SLC38A1: variants seen among roughly 807,000 people sequenced by gnomAD.
SLC38A1 encodes sodium-coupled neutral amino acid symporter 1.
Under a neutral mutation model 60.3 loss-of-function variants are expected in SLC38A1, and 18 were observed. The observed-to-expected ratio is 0.30, with a 90% CI of 0.21 to 0.44. The LOEUF (loss-of-function observed/expected upper bound fraction) is 0.44, where lower values mean the gene tolerates loss of function less well. Ranked by LOEUF, SLC38A1 falls within the 20% of genes least tolerant of loss-of-function variation. The probability of loss-of-function intolerance (pLI) is 1.00; values close to 1 mark genes in which losing one functional copy is unlikely to be tolerated. For missense variants in SLC38A1, 448 were observed against 587.2 expected (o/e 0.76, Z 2.45); for synonymous variants, 196 against 212.1 (o/e 0.92, Z 0.66).
At chr12:46,196,491 A>G (rs751627153) in intron 16 of SLC38A1, among the ~76,000 whole-genome samples, 3 of 152,154 alleles carry the variant, frequency 2.0e-5, no homozygotes, top group Non-Finnish European at 4.4e-5. Flanking sequence ...TAATCTGAAT[A>G]TATTGTCCTG....
Position 46,204,323 on chromosome 12 carries a change from T to A in SLC38A1, c.800A>T (p.Lys267Ile). ...TACCTTTGAATTGAAGGTAACATAT[T>A]TTGGCGTACACGTGTCAGCATTTGT... ...NSTNADTCTP[K>I]YVTFNSKTVY... Residue 267 changes from lysine to isoleucine, a missense_variant, in exon 11 of 17, where the codon AAA becomes ATA. Coordinates refer to ENST00000398637, the MANE Select transcript of SLC38A1 (RefSeq NM_030674.4). The A allele has an allele frequency of 6.2e-7, 1 of 1,610,376 alleles. No homozygotes were observed. The highest frequency in any genetic ancestry group is 8.5e-7 in the Non-Finnish European group (1 of 1,176,746).
Position 46,239,713 on chromosome 12 carries a change from C to T in SLC38A1, c.88G>A (p.Asp30Asn). 1 of 1,613,664 alleles carries T rather than the reference C, an allele frequency of 6.2e-7. No homozygotes were observed. Among genetic ancestry groups the T allele is most frequent in the Non-Finnish European group, 8.5e-7 (1 of 1,179,916 alleles). Reference sequence around the variant, plus strand: ...TGACCATTTTCTACTTCGGTGAAATCATTGGAGTCATTGCTAATGTTATCA... The same window carrying T: ...TGACCATTTTCTACTTCGGTGAAATTATTGGAGTCATTGCTAATGTTATCA... ...EDDNISNDSN[D>N]FTEVENGQIN... The change falls in exon 3 of 17, where the codon GAT (aspartate) becomes AAT (asparagine). Residue 30 changes from aspartate to asparagine, a missense_variant. By Grantham distance (23) the Asp-to-Asn change is conservative (BLOSUM62 1). Around this residue, in one of 2 missense-constraint regions of SLC38A1, gnomAD observed 102 missense variants for 89.7 expected, o/e 1.14. Coordinates refer to ENST00000398637, the MANE Select transcript of SLC38A1 (RefSeq NM_030674.4).
chr12:46,242,306 C>G (rs1040119998), intron 2 of SLC38A1, among the ~76,000 whole-genome samples: 1 of 152,090 alleles, frequency 6.6e-6, no homozygotes, highest in Admixed American at 6.5e-5. Context: ...CACCTATCAC[C>G]AAGGCCACAC....
chr12:46,188,627 T>C lies in SLC38A1; in HGVS notation c.*343A>G, dbSNP rs530016469. 7 of 173,670 alleles carry C rather than the reference T, an allele frequency of 4.0e-5. No individual in the cohort carries two copies. Among genetic ancestry groups the C allele is most frequent in the Non-Finnish European group, 7.3e-5 (6 of 81,692 alleles). 10.8% of individuals were successfully genotyped at this position (173,670 alleles called of 1,614,324 possible). ...TTTCAGAATCTGGATGTATAATAAA[T>C]AAACATTATTGTATATCATGTTTTC... On this transcript the variant is annotated 3_prime_UTR_variant, in exon 17 of 17. Coordinates refer to ENST00000398637, the MANE Select transcript of SLC38A1 (RefSeq NM_030674.4).
chr12:46,189,265 G>GAA (rs147988406), intron 16 of SLC38A1, among the ~76,000 whole-genome samples, 194 bp from the exon 17 acceptor site: 11 of 143,778 alleles, frequency 7.7e-5, no homozygotes, highest in African/African-American at 2.3e-4. Context: ...GGGAAAATAG[G>GAA]AAAAAAAAAA....
chr12:46,256,849 G>C (rs188979474), intron 1 of SLC38A1, among the ~76,000 whole-genome samples: 294 of 152,296 alleles, frequency 1.9e-3, no homozygotes, highest in African/African-American at 6.7e-3. Flanking sequence ...TTACCACTGT[G>C]CTTAACACCC....
rs562837277 is a variant in SLC38A1, at chr12:46,248,649, C to G, written c.-208-5335G>C. Among the ~76,000 whole-genome samples the G allele has an allele frequency of 2.6e-5, 4 of 152,300 alleles. 1 individual carries two copies. In the South Asian group the frequency reaches 8.3e-4, roughly 32 times the overall value. On this transcript the variant is annotated intron_variant, in intron 1 of 16. Transcript: ENST00000398637. ...TTAACAAGGATATCCAAGACTTGAA[C>G]TCATCTTTGCACCAAGTGGACCTAA...
intron 3 of SLC38A1, among the ~76,000 whole-genome samples, chr12:46,235,119 G>T (rs953088569): frequency 2.6e-5 from 4 of 152,194 alleles, no homozygotes; most frequent in Non-Finnish European, 5.9e-5. Context: ...CTTAAAAAAT[G>T]ATGTAAGCTG....
intron 5 of SLC38A1, among the ~76,000 whole-genome samples, chr12:46,220,953 T>C (rs537463041): frequency 4.9e-4 from 74 of 152,334 alleles, no homozygotes; most frequent in African/African-American, 1.6e-3. Context: ...CTGATGGGTC[T>C]ATACTTTTAC....
intron 5 of SLC38A1, among the ~76,000 whole-genome samples, chr12:46,211,499 G>A (rs75884468): frequency 0.046 from 7,035 of 152,336 alleles, 374 homozygotes; most frequent in East Asian, 0.29. Flanking sequence ...AACATTTGCT[G>A]TGTTCCCTCA....
chr12:46,229,744 A>G (rs570521618), intron 3 of SLC38A1, 105 bp from the exon 4 acceptor site: 2 of 1,000,484 alleles, frequency 2.0e-6, no homozygotes, highest in East Asian at 4.8e-5. Context: ...AACAGTTACC[A>G]ATCAGCTCTC....
intron 3 of SLC38A1, among the ~76,000 whole-genome samples, chr12:46,230,610 T>C (rs1416928464): frequency 6.6e-6 from 1 of 152,190 alleles, no homozygotes; most frequent in Non-Finnish European, 1.5e-5. Flanking sequence ...AAAATAGGAC[T>C]TGAGATGGGA....
At chr12:46,266,921 T>C (rs1269855460) in intron 1 of SLC38A1, among the ~76,000 whole-genome samples, 1 of 151,602 alleles carries the variant, frequency 6.6e-6, no homozygotes, top group Non-Finnish European at 1.5e-5. Flanking sequence ...ATCCAGGGGG[T>C]CCACACCAGG....
At chr12:46,257,992 G>C in intron 1 of SLC38A1, among the ~76,000 whole-genome samples, 1 of 152,200 alleles carries the variant, frequency 6.6e-6, no homozygotes, top group East Asian at 1.9e-4. Flanking sequence ...ATTATTTCTT[G>C]ATGATTTGCT....
chr12:46,205,889 T>C lies in SLC38A1; in HGVS notation c.646+191A>G, dbSNP rs911855337. 2.6e-5 allele frequency among the ~76,000 whole-genome samples: 4 copies of C among 152,076 alleles called. No individual in the cohort carries two copies. The East Asian group carries it at 7.7e-4, about 29-fold the overall frequency. ...TCCACAGCTCAGTAGAGGGATTGTT[T>C]AGGAGGTCACATACTGACTGTTATT... is the stretch of plus-strand genomic sequence containing the variant. On this transcript the variant is annotated intron_variant, in intron 9 of 16. Transcript: ENST00000398637.
intron 3 of SLC38A1, among the ~76,000 whole-genome samples, chr12:46,229,986 A>G (rs972446461): frequency 1.3e-5 from 2 of 152,212 alleles, no homozygotes; most frequent in East Asian, 3.8e-4. Flanking sequence ...ACAGCTATAC[A>G]TTTTGAATCA....
At chr12:46,253,921 C>T (rs899684315) in intron 1 of SLC38A1, among the ~76,000 whole-genome samples, 8 of 152,164 alleles carry the variant, frequency 5.3e-5, no homozygotes, top group African/African-American at 1.9e-4. Context: ...CAGAAAGCAT[C>T]AGTATGGTGA....
At chr12:46,203,363 T>C (rs781254859) in intron 11 of SLC38A1, among the ~76,000 whole-genome samples, 9 of 152,142 alleles carry the variant, frequency 5.9e-5, no homozygotes, top group Non-Finnish European at 1.3e-4. Context: ...CCCCTGTTTA[T>C]ACAGCATGAG....
rs938261492 is a variant in SLC38A1, at chr12:46,188,991, C to T, written c.1443G>A (p.Ser481=). ...GGTTTCAGTGGCCTTCGTCACTACT[C>T]GATGAGCAGGCCCAGTCATAGATGA... ...PLVIYDWACS[S]SSDEGH is the part of the protein sequence containing the mutation. Residue 481 remains serine (S), a synonymous_variant, in exon 17 of 17, where the codon TCG becomes TCA. Coordinates refer to ENST00000398637, the MANE Select transcript of SLC38A1 (RefSeq NM_030674.4). The T allele has an allele frequency of 8.1e-6, 13 of 1,613,186 alleles. No individual in the cohort carries two copies. The highest frequency in any genetic ancestry group is 1.1e-5 in the South Asian group (1 of 91,018).
Sources: gnomAD v4.1 joint callset for allele counts (sites outside exome capture counted in the v4.1 genomes callset) on GRCh38, gnomAD v4.1.1 for gene constraint, gnomAD v4.1.1 regional missense constraint, MANE v1.5 for transcripts, NCBI Gene and HGNC (gene_info 2026-07-23, HGNC 2026-07-21) for gene names.